Variants in COPB2 observed in about 807,000 individuals in gnomAD.
COPB2 encodes the protein coat protein complex I subunit beta 2.
A neutral mutation model predicts 120.8 loss-of-function variants in COPB2; 16 were observed. The ratio of observed to expected loss-of-function variants is 0.13; its 90% CI spans 0.09 to 0.20. The LOEUF (loss-of-function observed/expected upper bound fraction) is 0.20, where lower values mean the gene tolerates loss of function less well. COPB2 is among the 10% of genes least tolerant of loss of function. The pLI is 1.00. For synonymous variants in COPB2, 332 were observed against 366.3 expected, an observed-to-expected ratio of 0.91 and a Z score of 1.07; for missense variants, 794 against 1,076.5, an observed-to-expected ratio of 0.74 and a Z score of 3.67.
chr3:139,379,147 A>C lies in COPB2; in HGVS notation c.255T>G (p.Asn85Lys). 1.2e-6 allele frequency: 2 copies of C among 1,609,528 alleles called. 1 individual carries two copies. Among genetic ancestry groups the C allele is most frequent in the Middle Eastern group, 3.3e-4 (2 of 6,028 alleles). ...GADDMQIRVF[N>K]YNTLERVHMF... is the part of the protein sequence containing the mutation. ...TATGAACTCTCTCCAGAGTATTGTA[A>C]TTGAACACTCTAATCTGCATGTCAT... is the stretch of plus-strand genomic sequence containing the variant. The change falls in exon 4 of 22, where the codon AAT (asparagine) becomes AAG (lysine). Residue 85 changes from asparagine to lysine, a missense_variant. By Grantham distance (94) the Asn-to-Lys change is moderately conservative (BLOSUM62 0). Coordinates refer to ENST00000333188, the MANE Select transcript of COPB2 (RefSeq NM_004766.3).
intron 9 of COPB2, among the ~76,000 whole-genome samples, chr3:139,372,540 T>C (rs1055736505): frequency 6.6e-6 from 1 of 152,228 alleles, no homozygotes; most frequent in Non-Finnish European, 1.5e-5. Context: ...AAGACAATTA[T>C]ATTACAAATA....
intron 7 of COPB2, 147 bp from the exon 8 acceptor site, chr3:139,373,955 T>A: frequency 2.4e-6 from 2 of 822,228 alleles, no homozygotes; most frequent in Non-Finnish European, 3.7e-6. Context: ...CTACTGTCTT[T>A]AAATGATTTT....
rs1448146767 is a variant in COPB2, at chr3:139,359,442, G to A, written c.2211-80C>T. On this transcript the variant is annotated intron_variant, in intron 17 of 21. Coordinates refer to ENST00000333188, the MANE Select transcript of COPB2 (RefSeq NM_004766.3). ...GTACTTAACACAAAGTAAATTTAGTGTTACAAAGCCAAAAATCTCCCCAAT... is the reference window on the plus strand; with the variant it reads ...GTACTTAACACAAAGTAAATTTAGTATTACAAAGCCAAAAATCTCCCCAAT... 3.0e-6 allele frequency: 4 copies of A among 1,333,556 alleles called. No individual in the cohort carries two copies. The African/African-American group carries it at 4.4e-5, about 15-fold the overall frequency. 82.6% of individuals were successfully genotyped at this position (1,333,556 alleles called of 1,614,324 possible). A position where few individuals can be genotyped will look rare whatever the true frequency, so the allele number is the denominator to read the frequency against.
At chr3:139,370,114 A>G (rs1198518372) in intron 10 of COPB2, among the ~76,000 whole-genome samples, 3 of 152,206 alleles carry the variant, frequency 2.0e-5, no homozygotes, top group African/African-American at 7.2e-5. Flanking sequence ...CGGGGATGAT[A>G]GAAATGTTCT....
intron 1 of COPB2, chr3:139,388,202 C>T (rs992077924): frequency 3.9e-5 from 6 of 152,060 alleles, no homozygotes; most frequent in African/African-American, 4.8e-5. Context: ...GTTAGTAATA[C>T]GAAGTGCTCT....
intron 2 of COPB2, chr3:139,380,003 C>CTTTTTTTTTTTTTTTTTTTTTTT (rs869062825): frequency 4.9e-5 from 5 of 101,354 alleles, no homozygotes; most frequent in African/African-American, 1.2e-4. Flanking sequence ...TTTTTCTTTT[C>CTTTTTTTTTTTTTTTTTTTTTTT]TTTTTTTTTT....
chr3:139,368,547 T>C (rs752133016), intron 12 of COPB2, among the ~76,000 whole-genome samples: 4 of 152,208 alleles, frequency 2.6e-5, no homozygotes, highest in Non-Finnish European at 4.4e-5. Flanking sequence ...AGAGGACCAG[T>C]AGCCTATTCC....
At chr3:139,373,474 C>G (rs1196900821) in intron 8 of COPB2, 62 bp from the exon 9 acceptor site, 7 of 1,582,672 alleles carry the variant, frequency 4.4e-6, no homozygotes, top group Non-Finnish European at 6.1e-6. Context: ...CAAAACAAAA[C>G]AGATTATTTT....
At chr3:139,361,887 G>C (rs570009655) in intron 16 of COPB2, among the ~76,000 whole-genome samples, 1 of 152,198 alleles carries the variant, frequency 6.6e-6, no homozygotes, top group Non-Finnish European at 1.5e-5. Flanking sequence ...GAGCCTCCCT[G>C]AACAGCTCAT....
chr3:139,368,451 T>C (rs112708052), intron 12 of COPB2, among the ~76,000 whole-genome samples, 163 bp from the exon 13 acceptor site: 2,434 of 152,336 alleles, frequency 0.016, 73 homozygotes, highest in African/African-American at 0.053. Context: ...CCAGCTATTA[T>C]GTGGCTATGC....
intron 2 of COPB2, chr3:139,382,951 G>T: frequency 9.2e-6 from 2 of 218,570 alleles, no homozygotes; most frequent in Non-Finnish European, 1.8e-5. Context: ...TAAATTTAAC[G>T]ATATCATTCT....
chr3:139,381,827 CAGAG>C (rs752182108), intron 2 of COPB2: 5 of 151,154 alleles, frequency 3.3e-5, no homozygotes, highest in Admixed American at 1.3e-4. Flanking sequence ...TAGGAATAAT[CAGAG>C]AGAGAGGACA....
chr3:139,360,192 T>TAAA (rs10665711), intron 17 of COPB2, among the ~76,000 whole-genome samples: 4,029 of 147,492 alleles, frequency 0.027, 71 homozygotes, highest in Middle Eastern at 0.087. Context: ...TATGGGATTG[T>TAAA]AAAAAAAAAA....
chr3:139,376,751 A>C (rs6773840), intron 5 of COPB2, among the ~76,000 whole-genome samples: 3 of 151,982 alleles, frequency 2.0e-5, no homozygotes, highest in African/African-American at 7.3e-5. Context: ...TTAATTAATT[A>C]ATTTATTTAT....
chr3:139,388,406 G>A (rs1430125428), intron 1 of COPB2: 1 of 70,060 alleles, frequency 1.4e-5, no homozygotes, highest in African/African-American at 4.5e-5. Flanking sequence ...CATGGATTGT[G>A]GGGGGGGGTG....
At position 139,357,702 on chromosome 3, in the gene COPB2, C is replaced by T; in HGVS notation, c.*161G>A. 1 of 471,394 alleles carries T rather than the reference C, an allele frequency of 2.1e-6. No homozygotes were observed. The highest frequency in any genetic ancestry group is 3.7e-6 in the Non-Finnish European group (1 of 269,594). The allele number at this position is 471,394 out of a possible 1,614,324, so 29.2% of individuals were successfully genotyped here. On this transcript the variant is annotated 3_prime_UTR_variant, in exon 22 of 22. Transcript: ENST00000333188. ...GTGATTTAAATGCTGCACATAAACT[C>T]TTCTTAAGATGATGTGGGCATTGTG...
intron 1 of COPB2, among the ~76,000 whole-genome samples, chr3:139,383,938 C>G (rs542410204): frequency 5.3e-5 from 8 of 152,246 alleles, no homozygotes; most frequent in African/African-American, 1.9e-4. Context: ...TCTGACTTAA[C>G]AGAAGACAGA....
At position 139,361,256 on chromosome 3, in the gene COPB2, T is replaced by C. The variant is rs377734699; in HGVS notation, c.2035A>G (p.Ser679Gly). 1.2e-6 allele frequency: 2 copies of C among 1,614,124 alleles called. No individual in the cohort carries two copies. The highest frequency in any genetic ancestry group is 1.7e-6 in the Non-Finnish European group (2 of 1,180,058). ...TGGGCTAGGCCAAACTGACATTTACTAATGGCAAGTTCAGCAAGTTGTTTC... is the reference window on the plus strand; with the variant it reads ...TGGGCTAGGCCAAACTGACATTTACCAATGGCAAGTTCAGCAAGTTGTTTC... ...KWKQLAELAI[S>G]KCQFGLAQEC... is the part of the protein sequence containing the mutation. Residue 679 changes from serine to glycine, a missense_variant, in exon 17 of 22, where the codon AGT (serine) becomes GGT (glycine). Physicochemically the swap from Ser to Gly is moderately conservative, Grantham distance 56. Transcript: ENST00000333188.
intron 1 of COPB2, among the ~76,000 whole-genome samples, chr3:139,387,002 C>T (rs1941936983): frequency 6.7e-6 from 1 of 149,244 alleles, no homozygotes; most frequent in Admixed American, 6.7e-5. Context: ...AGTTTGAGAC[C>T]AGCCTGGCCA....
Sources: gnomAD v4.1 joint callset for allele counts (sites outside exome capture counted in the v4.1 genomes callset) on GRCh38, gnomAD v4.1.1 for gene constraint, MANE v1.5 for transcripts, NCBI Gene and HGNC (gene_info 2026-07-23, HGNC 2026-07-21) for gene names.